The following PDLIM4 variants were observed in gnomAD, a reference collection of about 807,000 sequenced individuals.
PDLIM4 encodes PDZ and LIM domain protein 4.
Under a neutral mutation model 31.3 loss-of-function variants are expected in PDLIM4, and 19 were observed. That is an observed-to-expected ratio of 0.61 (90% CI 0.42 to 0.89). PDLIM4 has a LOEUF of 0.89. Among genes scored for constraint, PDLIM4 ranks in the 40% least tolerant of loss-of-function variants. PDLIM4 has a pLI of 0.00. For missense variants in PDLIM4, 442 were observed against 461.1 expected, an observed-to-expected ratio of 0.96 and a Z score of 0.38; for synonymous variants, 176 against 190.1, an observed-to-expected ratio of 0.93 and a Z score of 0.61.
intron 1 of PDLIM4, among the ~76,000 whole-genome samples, chr5:132,262,195 G>T (rs1184163624): frequency 6.6e-6 from 1 of 152,220 alleles, no homozygotes; most frequent in East Asian, 1.9e-4. Context: ...ATTAGGTCAA[G>T]GTGTGTAGTC....
chr5:132,262,872 G>T, intron 2 of PDLIM4, 112 bp downstream of exon 2: 1 of 1,009,742 alleles, frequency 9.9e-7, no homozygotes, highest in Non-Finnish European at 1.5e-6. Context: ...TCAGCTCCTG[G>T]GTGCCCCATC....
At position 132,272,314 on chromosome 5, in the gene PDLIM4, T is replaced by C; in HGVS notation, c.*85T>C. On this transcript the variant is annotated 3_prime_UTR_variant, in exon 7 of 7. Transcript: ENST00000253754. ...TTTCACCCTGTCCCTCTAATAAAGC[T>C]CCTCTGCTCCACCTTGAACCTGTCA... is the stretch of plus-strand genomic sequence containing the variant. 8.8e-7 allele frequency: 1 copy of C among 1,130,344 alleles called. No individual in the cohort carries two copies. Among genetic ancestry groups the C allele is most frequent in the Non-Finnish European group, 1.3e-6 (1 of 767,720 alleles). The allele number at this position is 1,130,344 out of a possible 1,614,324, so 70.0% of individuals were successfully genotyped here.
rs757289852 is a variant in PDLIM4 at position 132,271,326 on chromosome 5, C to G, written c.530C>G (p.Pro177Arg). 3 of 1,597,256 alleles carry G rather than the reference C, an allele frequency of 1.9e-6. No homozygotes were observed. Among genetic ancestry groups the G allele is most frequent in the Admixed American group, 1.7e-5 (1 of 59,790 alleles). The change falls in exon 5 of 7, where the codon CCG (proline) becomes CGG (arginine). Residue 177 changes from proline (P) to arginine (R), a missense_variant. By Grantham distance (103) the Pro-to-Arg change is moderately radical. Coordinates refer to ENST00000253754, the MANE Select transcript of PDLIM4 (RefSeq NM_003687.4). ...AGCGCTGACCCAGCCAGAGGCCTCCCGCGGAGCCGGGACTGCAGAGTCGAC... is the reference window on the plus strand; with the variant it reads ...AGCGCTGACCCAGCCAGAGGCCTCCGGCGGAGCCGGGACTGCAGAGTCGAC... ...PPSADPARGL[P>R]RSRDCRVDLG...
intron 2 of PDLIM4, 118 bp downstream of exon 2, chr5:132,262,878 C>G: frequency 1.1e-6 from 1 of 922,294 alleles, no homozygotes. Flanking sequence ...CCTGGGTGCC[C>G]CATCCAGGAA....
Position 132,257,817 on chromosome 5 carries a change from C to G in PDLIM4, c.83C>G (p.Thr28Ser), listed in dbSNP as rs1756277720. 2.7e-6 allele frequency: 4 copies of G among 1,499,824 alleles called. No homozygotes were observed. The highest frequency in any genetic ancestry group is 1.4e-5 in the African/African-American group (1 of 69,608). 92.9% of individuals were successfully genotyped at this position (1,499,824 alleles called of 1,614,324 possible). A position where few individuals can be genotyped will look rare whatever the true frequency, so the allele number is the denominator to read the frequency against. Residue 28 changes from threonine to serine, a missense_variant, in exon 1 of 7, where the codon ACC becomes AGC. Transcript: ENST00000253754. This position sits in a 1 kb window ranked among gnomAD's most constrained non-coding sequence, Gnocchi z 4.3. Reference sequence around the variant, plus strand: ...GGCCGGGACTTCAGCGCGCCCCTCACCATCTCACGGGTGAGTCTGGCGGCT... The same window carrying G: ...GGCCGGGACTTCAGCGCGCCCCTCAGCATCTCACGGGTGAGTCTGGCGGCT... ...VGGRDFSAPL[T>S]ISRVHAGSKA...
chr5:132,262,245 A>T (rs917202226), intron 1 of PDLIM4, among the ~76,000 whole-genome samples: 1 of 152,140 alleles, frequency 6.6e-6, no homozygotes, highest in African/African-American at 2.4e-5. Context: ...TATCTGTGAT[A>T]TGTCCATGCT....
intron 1 of PDLIM4, among the ~76,000 whole-genome samples, chr5:132,258,373 C>G (rs1380997989): frequency 6.6e-6 from 1 of 152,136 alleles, no homozygotes; most frequent in Non-Finnish European, 1.5e-5. Flanking sequence ...GGGGAAGTGA[C>G]CAGGAGGAAT....
Position 132,272,227 on chromosome 5 carries a change from T to A in PDLIM4, c.991T>A (p.Ter331ArgextTer18). The A allele has an allele frequency of 6.2e-7, 1 of 1,613,404 alleles. No homozygotes were observed. Among genetic ancestry groups the A allele is most frequent in the Non-Finnish European group, 8.5e-7 (1 of 1,179,374 alleles). Residue 331 changes from the stop codon to arginine (R), a stop_lost, in exon 7 of 7, where the codon TGA becomes AGA. Coordinates refer to ENST00000253754, the MANE Select transcript of PDLIM4 (RefSeq NM_003687.4). ...CCCCAATGCCAAGGTGGAACTCGTCTGAGCTGGGACCCTGCTCCCACGCCT... is the reference window on the plus strand; with the variant it reads ...CCCCAATGCCAAGGTGGAACTCGTCAGAGCTGGGACCCTGCTCCCACGCCT... ...VYPNAKVELV[*>R]
At chr5:132,269,111 G>A (rs1194809529) in intron 3 of PDLIM4, among the ~76,000 whole-genome samples, 1 of 152,164 alleles carries the variant, frequency 6.6e-6, no homozygotes, top group African/African-American at 2.4e-5. Flanking sequence ...GACTTGCCCA[G>A]TTAGGGGATA....
At chr5:132,265,083 G>A (rs1299745890) in intron 2 of PDLIM4, among the ~76,000 whole-genome samples, 3 of 152,204 alleles carry the variant, frequency 2.0e-5, no homozygotes, top group African/African-American at 4.8e-5. Context: ...TGAGGCCACT[G>A]ATAGAGTCCC....
chr5:132,272,824 G>A lies in PDLIM4; in HGVS notation c.*595G>A, dbSNP rs900436554. On this transcript the variant is annotated 3_prime_UTR_variant, in exon 7 of 7. Transcript: ENST00000253754. ...GCGGGCCGTCTGCACTTCTGTTCCA[G>A]GTTTTTCTGGCATTTTCTGTTCCAG... The A allele has an allele frequency of 6.5e-6, 1 of 154,888 alleles. No homozygotes were observed. Among genetic ancestry groups the A allele is most frequent in the African/African-American group, 2.4e-5 (1 of 41,420 alleles). The allele number at this position is 154,888 out of a possible 1,614,324, so 9.6% of individuals were successfully genotyped here.
At chr5:132,266,616 T>G in intron 3 of PDLIM4, 71 bp downstream of exon 3, 34 of 956,636 alleles carry the variant, frequency 3.6e-5, no homozygotes, top group Non-Finnish European at 5.2e-5. Flanking sequence ...GCATGCAGGT[T>G]CACCTGCACT....
chr5:132,271,140 C>T lies in PDLIM4; in HGVS notation c.506+47C>T, dbSNP rs745683936. 1.9e-6 allele frequency: 3 copies of T among 1,573,020 alleles called. No individual in the cohort carries two copies. The South Asian group carries it at 3.4e-5, about 18-fold the overall frequency. ...TGCCATGCCCAGAACCCATCTTAAC[C>T]CTTGATCCCTCAAATCTCACCCAGT... is the stretch of plus-strand genomic sequence containing the variant. On this transcript the variant is annotated intron_variant, in intron 4 of 6. Coordinates refer to ENST00000253754, the MANE Select transcript of PDLIM4 (RefSeq NM_003687.4).
intron 1 of PDLIM4, among the ~76,000 whole-genome samples, chr5:132,258,580 G>A (rs929215600): frequency 6.6e-6 from 1 of 152,152 alleles, no homozygotes; most frequent in African/African-American, 2.4e-5. Context: ...GAGTGGAGGA[G>A]GTGACTCAGG....
intron 2 of PDLIM4, among the ~76,000 whole-genome samples, chr5:132,265,043 C>T (rs1756459523): frequency 6.6e-6 from 1 of 152,156 alleles, no homozygotes; most frequent in South Asian, 2.1e-4. Context: ...TTCTATAGGT[C>T]CAGGACCTTT....
chr5:132,270,745 C>G (rs1316981290), intron 3 of PDLIM4, among the ~76,000 whole-genome samples, 170 bp from the exon 4 acceptor site: 2 of 152,244 alleles, frequency 1.3e-5, no homozygotes, highest in Non-Finnish European at 2.9e-5. Context: ...AGGCCCAGCC[C>G]TTCCCCAGAA....
intron 1 of PDLIM4, 37 bp from the exon 2 acceptor site, chr5:132,262,572 A>G (rs1312427814): frequency 7.0e-6 from 11 of 1,562,732 alleles, no homozygotes; most frequent in Non-Finnish European, 8.7e-6. Flanking sequence ...AGACCATATC[A>G]TGACTGTGCC....
In PDLIM4 at chr5:132,271,299, C is replaced by A; in HGVS notation, c.507-4C>A. Reference sequence around the variant, plus strand: ...TTCCTCCTCTATTTCTTTCTCCCTCCCAGCGCTGACCCAGCCAGAGGCCTC... The same window carrying A: ...TTCCTCCTCTATTTCTTTCTCCCTCACAGCGCTGACCCAGCCAGAGGCCTC... On this transcript the variant is annotated splice_region_variant and splice_polypyrimidine_tract_variant and intron_variant, in intron 4 of 6. Coordinates refer to ENST00000253754, the MANE Select transcript of PDLIM4 (RefSeq NM_003687.4). The A allele has an allele frequency of 1.3e-6, 2 of 1,591,230 alleles. No homozygotes were observed. Among genetic ancestry groups the A allele is most frequent in the Non-Finnish European group, 1.7e-6 (2 of 1,169,636 alleles).
intron 3 of PDLIM4, among the ~76,000 whole-genome samples, chr5:132,267,511 G>A (rs1756517141): frequency 6.6e-6 from 1 of 152,218 alleles, no homozygotes; most frequent in Non-Finnish European, 1.5e-5. Context: ...GCTAGGGGAA[G>A]CCAGGGGCCA....
Sources: allele counts gnomAD v4.1 joint callset (sites outside exome capture counted in the v4.1 genomes callset), GRCh38; gene constraint gnomAD v4.1.1; non-coding constraint Gnocchi (gnomAD v3.1); transcripts MANE v1.5; gene names NCBI Gene and HGNC (gene_info 2026-07-23, HGNC 2026-07-21).